The following MAML3 variants were observed in gnomAD, a reference collection of about 807,000 sequenced individuals.
MAML3 encodes mastermind-like protein 3.
A neutral mutation model predicts 101.9 loss-of-function variants in MAML3; 27 were observed. That is an observed-to-expected ratio of 0.27 (90% CI 0.20 to 0.37). MAML3 has a LOEUF of 0.37. MAML3 is among the 10% of genes least tolerant of loss of function. The pLI is 1.00. For synonymous variants in MAML3, 501 were observed against 555.9 expected (o/e 0.90, Z 1.39); for missense variants, 1,316 against 1,444.9 (o/e 0.91, Z 1.45).
chr4:139,848,926 C>A (rs1731497530), intron 2 of MAML3, among the ~76,000 whole-genome samples: 1 of 152,178 alleles, frequency 6.6e-6, no homozygotes, highest in South Asian at 2.1e-4. Flanking sequence ...AAACAATTAA[C>A]ACAGATTAGC....
chr4:139,910,943 A>C (rs1332091244), intron 1 of MAML3, among the ~76,000 whole-genome samples: 1 of 152,208 alleles, frequency 6.6e-6, no homozygotes, highest in Non-Finnish European at 1.5e-5. Flanking sequence ...GTTCGGTGGC[A>C]TTAAGTACAT....
intron 1 of MAML3, among the ~76,000 whole-genome samples, chr4:139,966,310 C>T (rs1260370044): frequency 6.6e-6 from 1 of 152,132 alleles, no homozygotes; most frequent in East Asian, 1.9e-4. Flanking sequence ...TTTAACCGAG[C>T]ACCCCACTTA....
At chr4:139,750,023 A>G (rs1729455273) in intron 2 of MAML3, among the ~76,000 whole-genome samples, 1 of 152,166 alleles carries the variant, frequency 6.6e-6, no homozygotes, top group Non-Finnish European at 1.5e-5. Flanking sequence ...GTGACAGTGA[A>G]TTTGATTGTA....
intron 1 of MAML3, among the ~76,000 whole-genome samples, chr4:139,957,271 C>T (rs1360360663): frequency 6.6e-6 from 1 of 152,212 alleles, no homozygotes; most frequent in Admixed American, 6.5e-5. Context: ...ATTCTTACTC[C>T]ATTTTACAGG....
rs2111199409 is a variant in MAML3, at chr4:139,890,676, G to T, written c.760C>A (p.Leu254Ile). 6.2e-7 allele frequency: 1 copy of T among 1,613,988 alleles called. No homozygotes were observed. Reference protein sequence around the residue: ...SKNGRLPEIKLPVNGCSDLED... With the variant: ...SKNGRLPEIKIPVNGCSDLED... ...AGGTCACTGCAACCGTTGACAGGAA[G>T]TTTAATCTCAGGGAGCCTACCATTC... Residue 254 changes from leucine to isoleucine, a missense_variant, in exon 2 of 5, where the codon CTT becomes ATT. Transcript: ENST00000509479. The surrounding 1 kb of genome is among the most constrained non-coding windows in gnomAD (Gnocchi z 4.1).
At chr4:140,106,347 T>C (rs1458288213) in intron 1 of MAML3, among the ~76,000 whole-genome samples, 1 of 152,192 alleles carries the variant, frequency 6.6e-6, no homozygotes. Context: ...GCCCCCATTC[T>C]GGTCAATGGA....
intron 1 of MAML3, among the ~76,000 whole-genome samples, chr4:139,935,136 G>A (rs553356162): frequency 2.0e-5 from 3 of 150,610 alleles, no homozygotes; most frequent in Admixed American, 6.6e-5. Flanking sequence ...CCTCAGCAAG[G>A]CACAGAACAC....
chr4:139,965,464 C>T (rs1029077256), intron 1 of MAML3, among the ~76,000 whole-genome samples: 2 of 152,100 alleles, frequency 1.3e-5, no homozygotes, highest in Admixed American at 6.5e-5. Flanking sequence ...ATGTTCCCTA[C>T]AATTGCCTTT....
chr4:140,104,396 T>TATA (rs1728310073), intron 1 of MAML3, among the ~76,000 whole-genome samples: 2 of 73,534 alleles, frequency 2.7e-5, no homozygotes, highest in Non-Finnish European at 5.3e-5. Context: ...TATTATATAT[T>TATA]ATATAATATA....
chr4:140,002,076 A>T (rs1194402090), intron 1 of MAML3, among the ~76,000 whole-genome samples: 1 of 152,154 alleles, frequency 6.6e-6, no homozygotes, highest in Non-Finnish European at 1.5e-5. Context: ...GAACACTTAA[A>T]ATCTACTCTT....
At chr4:140,069,120 T>C (rs1191385887) in intron 1 of MAML3, among the ~76,000 whole-genome samples, 1 of 152,180 alleles carries the variant, frequency 6.6e-6, no homozygotes, top group Non-Finnish European at 1.5e-5. Context: ...ATAATCAATA[T>C]GTGATTCTAT....
At chr4:139,962,784 A>G (rs1250633927) in intron 1 of MAML3, among the ~76,000 whole-genome samples, 5 of 152,240 alleles carry the variant, frequency 3.3e-5, no homozygotes, top group Admixed American at 6.5e-5. Context: ...CTGTAGCAGC[A>G]TAACATGTAA....
intron 2 of MAML3, among the ~76,000 whole-genome samples, chr4:139,818,309 T>C (rs551442812): frequency 2.0e-5 from 3 of 152,376 alleles, no homozygotes; most frequent in East Asian, 1.9e-4. Flanking sequence ...GCTGTAATTA[T>C]GTATCTGTGT....
intron 1 of MAML3, among the ~76,000 whole-genome samples, chr4:140,055,250 T>C (rs964405761): frequency 1.2e-4 from 18 of 152,200 alleles, no homozygotes; most frequent in Non-Finnish European, 1.5e-5. Context: ...AAAAAAAACC[T>C]ACTTCTTTGT....
intron 3 of MAML3, 82 bp from the exon 4 acceptor site, chr4:139,725,917 A>T (rs1295436505): frequency 8.5e-6 from 10 of 1,183,020 alleles, no homozygotes; most frequent in Non-Finnish European, 1.2e-5. Context: ...GTTCCGAGGA[A>T]GGTAGTGTTT....
At chr4:140,063,314 T>G (rs1727478067) in intron 1 of MAML3, among the ~76,000 whole-genome samples, 1 of 152,076 alleles carries the variant, frequency 6.6e-6, no homozygotes, top group Admixed American at 6.6e-5. Flanking sequence ...AGAAAATGAA[T>G]CTCAAGAGGA....
intron 1 of MAML3, among the ~76,000 whole-genome samples, chr4:140,012,205 ATGT>A (rs1240082777): frequency 1.3e-5 from 2 of 152,246 alleles, no homozygotes; most frequent in Non-Finnish European, 2.9e-5. Flanking sequence ...AAAAGAATTA[ATGT>A]TGTATAGAGT....
chr4:139,897,387 C>T (rs1378059772), intron 1 of MAML3, among the ~76,000 whole-genome samples: 1 of 152,228 alleles, frequency 6.6e-6, no homozygotes, highest in East Asian at 1.9e-4. Context: ...ATAAGCCACA[C>T]TGCACCCTCA....
At chr4:140,083,108 T>C (rs1727890268) in intron 1 of MAML3, among the ~76,000 whole-genome samples, 1 of 152,222 alleles carries the variant, frequency 6.6e-6, no homozygotes, top group South Asian at 2.1e-4. Context: ...GGATAGAAAT[T>C]ATTATCTCCA....
Sources: gnomAD v4.1 joint callset for allele counts (sites outside exome capture counted in the v4.1 genomes callset) on GRCh38, gnomAD v4.1.1 for gene constraint, Gnocchi (gnomAD v3.1) non-coding constraint, MANE v1.5 for transcripts, NCBI Gene and HGNC (gene_info 2026-07-23, HGNC 2026-07-21) for gene names.